QTMAN: variants seen among roughly 807,000 people sequenced by gnomAD.
QTMAN encodes the protein queuosine-tRNA mannosyltransferase.
chr2:144,254,783 G>A, the QTMAN span, among the ~76,000 whole-genome samples: 1 of 152,320 alleles, frequency 6.6e-6, no homozygotes, highest in South Asian at 2.1e-4. Context: ...AAAGCCACAG[G>A]GGCAGAGCTG....
chr2:144,008,404 T>C, the QTMAN span, among the ~76,000 whole-genome samples: 3 of 152,056 alleles, frequency 2.0e-5, no homozygotes, highest in African/African-American at 7.2e-5. Flanking sequence ...GGTAAAGCAT[T>C]TTGCAAGACA....
chr2:144,092,616 G>A, the QTMAN span, among the ~76,000 whole-genome samples: 1 of 152,096 alleles, frequency 6.6e-6, no homozygotes, highest in South Asian at 2.1e-4. Flanking sequence ...TGAACTGTTG[G>A]AAAAACAGAA....
chr2:144,188,508 CGGATGGATGGATGGATGGAT>C, the QTMAN span, among the ~76,000 whole-genome samples: 1 of 148,744 alleles, frequency 6.7e-6, no homozygotes, highest in African/African-American at 2.5e-5. Context: ...CTTTTGCAAT[CGGATGGATGGATGGATGGAT>C]GGATGGATGG....
chr2:144,160,874 G>GTAAAT, the QTMAN span, among the ~76,000 whole-genome samples: 1 of 152,150 alleles, frequency 6.6e-6, no homozygotes, highest in African/African-American at 2.4e-5. Flanking sequence ...ACACCTTTGA[G>GTAAAT]TAAAGCAGGA....
At chr2:144,093,499 A>C in the QTMAN span, among the ~76,000 whole-genome samples, 1 of 152,212 alleles carries the variant, frequency 6.6e-6, no homozygotes, top group East Asian at 1.9e-4. Context: ...GTAATAACTA[A>C]AGTTAAAAAA....
chr2:144,217,977 T>C, the QTMAN span, among the ~76,000 whole-genome samples: 2 of 152,184 alleles, frequency 1.3e-5, no homozygotes, highest in East Asian at 1.9e-4. Context: ...CACTGGACAT[T>C]AAGTTCCACG....
At chr2:144,057,564 A>G in the QTMAN span, among the ~76,000 whole-genome samples, 1 of 152,210 alleles carries the variant, frequency 6.6e-6, no homozygotes, top group African/African-American at 2.4e-5. Context: ...CTGACCTTCA[A>G]CTATGTGTGC....
At chr2:144,331,402 T>C in the QTMAN span, among the ~76,000 whole-genome samples, 1 of 151,728 alleles carries the variant, frequency 6.6e-6, no homozygotes, top group East Asian at 1.9e-4. Flanking sequence ...TAAAATCAAC[T>C]TCAGGGGTAG....
At chr2:144,105,842 G>T in the QTMAN span, among the ~76,000 whole-genome samples, 1 of 152,140 alleles carries the variant, frequency 6.6e-6, no homozygotes, top group Non-Finnish European at 1.5e-5. Context: ...AAATGTTAAG[G>T]GCAGCCAGAG....
the QTMAN span, among the ~76,000 whole-genome samples, chr2:144,153,209 G>A: frequency 2.6e-5 from 4 of 152,078 alleles, no homozygotes; most frequent in African/African-American, 9.7e-5. Flanking sequence ...CAGCAATTTG[G>A]TGACTCACTG....
the QTMAN span, among the ~76,000 whole-genome samples, chr2:144,237,505 C>T: frequency 6.6e-5 from 10 of 152,128 alleles, no homozygotes; most frequent in Non-Finnish European, 1.2e-4. Flanking sequence ...AACAGCGTTT[C>T]GTTATCTCTT....
the QTMAN span, among the ~76,000 whole-genome samples, chr2:143,977,412 G>A: frequency 6.6e-6 from 1 of 152,190 alleles, no homozygotes. Flanking sequence ...TGATGGAGAG[G>A]AGCAGAGGAG....
At chr2:143,964,744 TTG>T in the QTMAN span, among the ~76,000 whole-genome samples, 1 of 152,118 alleles carries the variant, frequency 6.6e-6, no homozygotes, top group Non-Finnish European at 1.5e-5. Context: ...GTAATAACCA[TTG>T]TCATACCAGA....
the QTMAN span, among the ~76,000 whole-genome samples, chr2:144,157,983 C>T: frequency 6.6e-6 from 1 of 151,790 alleles, no homozygotes; most frequent in Non-Finnish European, 1.5e-5. Flanking sequence ...GAAATATCAC[C>T]ATGTTTGTTT....
At chr2:144,224,309 G>GA in the QTMAN span, among the ~76,000 whole-genome samples, 1 of 152,126 alleles carries the variant, frequency 6.6e-6, no homozygotes, top group Non-Finnish European at 1.5e-5. Context: ...ACCTGTACGT[G>GA]AATGTTTTGT....
the QTMAN span, among the ~76,000 whole-genome samples, chr2:143,984,995 T>C: frequency 6.6e-6 from 1 of 152,206 alleles, no homozygotes; most frequent in African/African-American, 2.4e-5. Context: ...ACCCTGACTC[T>C]CTATTGAGCT....
chr2:144,073,830 T>G, the QTMAN span, among the ~76,000 whole-genome samples: 46 of 152,342 alleles, frequency 3.0e-4, no homozygotes, highest in African/African-American at 6.7e-4. Context: ...ACAACTCAGT[T>G]GTGTTGAGTG....
At chr2:144,212,102 C>A in the QTMAN span, among the ~76,000 whole-genome samples, 1 of 152,166 alleles carries the variant, frequency 6.6e-6, no homozygotes, top group Non-Finnish European at 1.5e-5. Flanking sequence ...AGTTTATGAA[C>A]CTCTTAAAGC....
chr2:144,035,703 A>G, the QTMAN span, among the ~76,000 whole-genome samples: 1 of 152,328 alleles, frequency 6.6e-6, no homozygotes, highest in East Asian at 1.9e-4. Flanking sequence ...TAATGGTGTA[A>G]GCAAAAGAAA....
Sources: gnomAD v4.1 joint callset for allele counts (sites outside exome capture counted in the v4.1 genomes callset) on GRCh38, gnomAD v4.1.1 for gene constraint, MANE v1.5 for transcripts, NCBI Gene and HGNC (gene_info 2026-07-23, HGNC 2026-07-21) for gene names.